The following IPCEF1 variants were observed in gnomAD, a reference collection of about 807,000 sequenced individuals.
IPCEF1 encodes interactor protein for cytohesin exchange factors 1.
In IPCEF1, 31 loss-of-function variants were observed where a neutral mutation model predicts 50.9. The ratio of observed to expected loss-of-function variants is 0.61; its 90% CI spans 0.46 to 0.82. IPCEF1 has a LOEUF of 0.82. Ranked by LOEUF, IPCEF1 falls within the 40% of genes least tolerant of loss-of-function variation. The probability of loss-of-function intolerance (pLI) is 0.00; values close to 1 mark genes in which losing one functional copy is unlikely to be tolerated. For synonymous variants in IPCEF1, 181 were observed against 192.0 expected, an observed-to-expected ratio of 0.94 and a Z score of 0.47; for missense variants, 458 against 514.0, an observed-to-expected ratio of 0.89 and a Z score of 1.05.
intron 4 of IPCEF1, 110 bp downstream of exon 4, chr6:154,247,336 CTCT>C (rs1229246030): frequency 3.9e-6 from 3 of 774,286 alleles, no homozygotes; most frequent in Non-Finnish European, 6.6e-6. Flanking sequence ...CGTCCACCTC[CTCT>C]TATTAGCATT....
rs1317564328 is a variant in IPCEF1, at chr6:154,223,215, A to T, written c.275T>A (p.Leu92Gln). 1 of 1,613,744 alleles carries T rather than the reference A, an allele frequency of 6.2e-7. No individual in the cohort carries two copies. The highest frequency in any genetic ancestry group is 1.7e-5 in the Admixed American group (1 of 60,022). The change falls in exon 6 of 12, where the codon CTG becomes CAG. Residue 92 changes from leucine (L) to glutamine (Q), a missense_variant. Leu to Gln is a moderately radical substitution (Grantham distance 113). Coordinates refer to ENST00000367220, the MANE Select transcript of IPCEF1 (RefSeq NM_001130700.2). ...TGCTCTTTCCACAGTGAAATCAGGC[A>T]GGTTGACAAATCCATCAGCTTTCTC... ...MAEKADGFVN[L>Q]PDFTVERASE... is the part of the protein sequence containing the mutation.
At chr6:154,333,901 AG>A (rs1232657189) in intron 1 of IPCEF1, among the ~76,000 whole-genome samples, 1 of 152,096 alleles carries the variant, frequency 6.6e-6, no homozygotes, top group Non-Finnish European at 1.5e-5. Context: ...ACAACATGCA[AG>A]GGCTTAACAG....
Position 154,273,645 on chromosome 6 carries a change from T to A in IPCEF1, c.-17-7681A>T, listed in dbSNP as rs535147066. ...GGGAGGTTTGGGGTTGTGACTTTGT[T>A]CAGGAACTTTATGAAGGAGAAAGTA... On this transcript the variant is annotated intron_variant, in intron 2 of 11. Coordinates refer to ENST00000367220, the MANE Select transcript of IPCEF1 (RefSeq NM_001130700.2). Among the ~76,000 whole-genome samples, 4 of 151,864 alleles carry A rather than the reference T, an allele frequency of 2.6e-5. No individual in the cohort carries two copies. In the South Asian group the frequency reaches 8.3e-4, roughly 32 times the overall value.
At chr6:154,177,468 A>G (rs1226050469) in intron 10 of IPCEF1, among the ~76,000 whole-genome samples, 1 of 152,220 alleles carries the variant, frequency 6.6e-6, no homozygotes, top group African/African-American at 2.4e-5. Flanking sequence ...CCCATCAGAA[A>G]GTGGGCAAAG....
intron 1 of IPCEF1, among the ~76,000 whole-genome samples, chr6:154,327,770 CAT>C (rs1783558042): frequency 6.6e-6 from 1 of 152,202 alleles, no homozygotes; most frequent in African/African-American, 2.4e-5. Flanking sequence ...TACATGCACA[CAT>C]ATGTTCATTG....
At chr6:154,175,302 AG>A (rs1227523266) in intron 10 of IPCEF1, among the ~76,000 whole-genome samples, 5 of 152,122 alleles carry the variant, frequency 3.3e-5, no homozygotes, top group Non-Finnish European at 7.3e-5. Context: ...AGCTAGCAGA[AG>A]GCAAGAAATA....
chr6:154,221,319 C>T lies in IPCEF1; in HGVS notation c.330G>A (p.Lys110=), dbSNP rs2128616716. 6.2e-7 allele frequency: 1 copy of T among 1,613,688 alleles called. No homozygotes were observed. Reference sequence around the variant, plus strand: ...AGGTCTTGATCTGTGGATGGCTGATCTTAAAAGCACTTGAAGGAGGAAAAG... The same window carrying T: ...AGGTCTTGATCTGTGGATGGCTGATTTTAAAAGCACTTGAAGGAGGAAAAG... ...ASECKKKHAF[K]ISHPQIKTFY... The change falls in exon 7 of 12, where the codon AAG becomes AAA. Residue 110 remains lysine (K), a synonymous_variant. Transcript: ENST00000367220.
intron 10 of IPCEF1, among the ~76,000 whole-genome samples, chr6:154,196,938 CT>C (rs1270806255): frequency 6.6e-6 from 1 of 152,148 alleles, no homozygotes; most frequent in African/African-American, 2.4e-5. Flanking sequence ...TAATTGCATA[CT>C]AACTGCAAAA....
At chr6:154,248,306 C>T (rs1413686143) in intron 3 of IPCEF1, among the ~76,000 whole-genome samples, 8 of 147,346 alleles carry the variant, frequency 5.4e-5, no homozygotes, top group East Asian at 2.0e-4. Context: ...CTTTAAAATA[C>T]GTGTGTGTGT....
At chr6:154,330,461 C>T (rs557252746) in intron 1 of IPCEF1, among the ~76,000 whole-genome samples, 2 of 151,642 alleles carry the variant, frequency 1.3e-5, no homozygotes, top group Non-Finnish European at 2.9e-5. Context: ...CTCGGTCCCC[C>T]GAGTAGCTGA....
chr6:154,242,824 G>C (rs780689654), intron 5 of IPCEF1, among the ~76,000 whole-genome samples: 1 of 152,076 alleles, frequency 6.6e-6, no homozygotes, highest in Non-Finnish European at 1.5e-5. Flanking sequence ...GGAGGCAGAG[G>C]TTGCAGTGAG....
intron 1 of IPCEF1, among the ~76,000 whole-genome samples, chr6:154,341,751 A>C (rs1783923008): frequency 6.6e-6 from 1 of 152,230 alleles, no homozygotes; most frequent in Admixed American, 6.5e-5. Context: ...CACAAACACT[A>C]AAGTTGGAAT....
intron 7 of IPCEF1, among the ~76,000 whole-genome samples, chr6:154,219,788 T>C (rs1242945395): frequency 7.9e-5 from 12 of 152,222 alleles, no homozygotes; most frequent in Non-Finnish European, 1.8e-4. Context: ...CTTCTCTCTT[T>C]GTCCAAGTAA....
At chr6:154,225,804 T>C (rs1487705207) in intron 5 of IPCEF1, among the ~76,000 whole-genome samples, 2 of 152,230 alleles carry the variant, frequency 1.3e-5, no homozygotes, top group East Asian at 3.8e-4. Flanking sequence ...TTATGTAAAT[T>C]TCCATAATTG....
intron 1 of IPCEF1, among the ~76,000 whole-genome samples, chr6:154,297,172 T>G (rs1782686194): frequency 6.6e-6 from 1 of 152,100 alleles, no homozygotes; most frequent in Admixed American, 6.6e-5. Context: ...ACTGAGTAGC[T>G]GGGACTGCAG....
chr6:154,313,117 A>T (rs895759850), intron 1 of IPCEF1, among the ~76,000 whole-genome samples: 1 of 149,032 alleles, frequency 6.7e-6, no homozygotes, highest in Non-Finnish European at 1.5e-5. Context: ...CACGCCTGTA[A>T]TCCCAGCATT....
rs150590712 is a variant in IPCEF1, at chr6:154,349,357, AATTTTATTTTATTTT to A, written c.-62+7300_-62+7314del. On this transcript the variant is annotated intron_variant, in intron 1 of 11. Coordinates refer to ENST00000367220, the MANE Select transcript of IPCEF1 (RefSeq NM_001130700.2). ...CAGGCATGCTCTACCACACTTAACT[AATTTTATTTTATTTT>A]ATTTTATTTTATTTTATTTATTTAT... Among the ~76,000 whole-genome samples, 918 of 147,372 alleles carry A rather than the reference AATTTTATTTTATTTT, an allele frequency of 6.2e-3. 5 individuals carry two copies. Among genetic ancestry groups the A allele is most frequent in the Non-Finnish European group, 0.01 (670 of 66,860 alleles).
intron 9 of IPCEF1, among the ~76,000 whole-genome samples, chr6:154,208,913 C>T (rs1777725420): frequency 1.3e-5 from 2 of 152,186 alleles, no homozygotes; most frequent in Admixed American, 6.5e-5. Context: ...AAAAGCTGCC[C>T]ACTTGCAACT....
At position 154,288,402 on chromosome 6, in the gene IPCEF1, G is replaced by A. The variant is rs545742418; in HGVS notation, c.-18+1311C>T. On this transcript the variant is annotated intron_variant, in intron 2 of 11. Coordinates refer to ENST00000367220, the MANE Select transcript of IPCEF1 (RefSeq NM_001130700.2). ...TGGGCGGCCGGGCGCGGTGGCTCAC[G>A]CCTGTAATCCCAGCACTTTGGGAGG... Among the ~76,000 whole-genome samples, 130 of 152,242 alleles carry A rather than the reference G, an allele frequency of 8.5e-4. 5 individuals are homozygous for A. The highest frequency in any genetic ancestry group is 2.5e-3 in the South Asian group (12 of 4,826).
Sources: gnomAD v4.1 joint callset for allele counts (sites outside exome capture counted in the v4.1 genomes callset) on GRCh38, gnomAD v4.1.1 for gene constraint, MANE v1.5 for transcripts, NCBI Gene and HGNC (gene_info 2026-07-23, HGNC 2026-07-21) for gene names.